Variants in NCAM1 observed in about 807,000 individuals in gnomAD.
NCAM1 encodes neural cell adhesion molecule 1, also known as antigen recognized by monoclonal antibody 5.1H11.
In NCAM1, 14 loss-of-function variants were observed where a neutral mutation model predicts 109.8. That is an observed-to-expected ratio of 0.13 (90% CI 0.08 to 0.20). NCAM1 has a LOEUF of 0.20. Among genes scored for constraint, NCAM1 ranks in the 10% least tolerant of loss-of-function variants. The pLI, the probability that NCAM1 is intolerant of heterozygous loss-of-function variation, is 1.00. For synonymous variants in NCAM1, 418 were observed against 442.9 expected, an observed-to-expected ratio of 0.94 and a Z score of 0.70; for missense variants, 774 against 1,109.9, an observed-to-expected ratio of 0.70 and a Z score of 4.30.
At chr11:113,160,768 C>T (rs1942575719) in intron 1 of NCAM1, among the ~76,000 whole-genome samples, 1 of 152,128 alleles carries the variant, frequency 6.6e-6, no homozygotes, top group African/African-American at 2.4e-5. Context: ...ACTGAGGGCT[C>T]TGCTTATAGA....
At chr11:113,096,379 GGA>G (rs1307764697) in intron 1 of NCAM1, among the ~76,000 whole-genome samples, 2 of 152,202 alleles carry the variant, frequency 1.3e-5, no homozygotes, top group African/African-American at 2.4e-5. Flanking sequence ...GCAGAATAAA[GGA>G]GAGAGAATTG....
chr11:113,224,189 A>G (rs1177010025), intron 9 of NCAM1, among the ~76,000 whole-genome samples: 25 of 152,214 alleles, frequency 1.6e-4, no homozygotes, highest in Admixed American at 1.6e-3. Context: ...CTAGCCAAGG[A>G]AAGGGGTGAC....
In NCAM1 at chr11:113,090,372, C is replaced by T. The variant is rs552557923; in HGVS notation, c.53-112007C>T. 3.3e-4 allele frequency among the ~76,000 whole-genome samples: 50 copies of T among 152,254 alleles called. 2 individuals are homozygous for T. In the South Asian group the frequency reaches 9.9e-3, roughly 30 times the overall value. On this transcript the variant is annotated intron_variant, in intron 1 of 19. Coordinates refer to ENST00000316851, the MANE Select transcript of NCAM1 (RefSeq NM_181351.5). Reference sequence around the variant, plus strand: ...AGTTTTGCATCACTGAACAATAAAGCAGGACAGCATAGTTTATGGAAAAGA... The same window carrying T: ...AGTTTTGCATCACTGAACAATAAAGTAGGACAGCATAGTTTATGGAAAAGA...
intron 14 of NCAM1, chr11:113,240,487 T>G: frequency 2.3e-6 from 1 of 434,738 alleles, no homozygotes; most frequent in Non-Finnish European, 4.1e-6. Context: ...CAGCTGGTCC[T>G]GCTGAACTGG....
intron 1 of NCAM1, among the ~76,000 whole-genome samples, chr11:113,179,058 T>C (rs1178411204): frequency 6.6e-6 from 1 of 152,182 alleles, no homozygotes; most frequent in Non-Finnish European, 1.5e-5. Context: ...GGTAATACCA[T>C]GTTGGTAGCT....
intron 1 of NCAM1, among the ~76,000 whole-genome samples, chr11:113,002,621 C>T (rs1440231193): frequency 6.6e-6 from 1 of 152,074 alleles, no homozygotes; most frequent in Non-Finnish European, 1.5e-5. Context: ...GTCCTTTCTG[C>T]CTATGTTCCT....
intron 1 of NCAM1, among the ~76,000 whole-genome samples, chr11:113,024,736 A>G (rs1306746228): frequency 2.0e-5 from 3 of 152,200 alleles, no homozygotes; most frequent in Non-Finnish European, 4.4e-5. Flanking sequence ...GTAATTTGCC[A>G]CTGGTGTTGT....
Position 113,204,429 on chromosome 11 carries a change from G to A in NCAM1, c.271G>A (p.Ala91Thr), listed in dbSNP as rs370887465. Residue 91 changes from alanine (A) to threonine (T), a missense_variant, in exon 3 of 20, where the codon GCC becomes ACC. This residue lies in a region of NCAM1 where 112 missense variants were observed against 142.0 expected (regional missense o/e 0.79). Coordinates refer to ENST00000316851, the MANE Select transcript of NCAM1 (RefSeq NM_181351.5). ...CATCTATAACGCCAACATCGACGAC[G>A]CCGGCATTTACAAGTGTGTGGTTAC... The part of the protein sequence containing the change: ...LTIYNANIDD[A>T]GIYKCVVTGE... The A allele has an allele frequency of 5.0e-5, 80 of 1,613,968 alleles. No homozygotes were observed. The highest frequency in any genetic ancestry group is 1.8e-4 in the South Asian group (16 of 91,076).
intron 1 of NCAM1, among the ~76,000 whole-genome samples, chr11:113,157,621 C>T (rs115548876): frequency 0.016 from 2,397 of 152,090 alleles, 62 homozygotes; most frequent in African/African-American, 0.054. Flanking sequence ...TTTATTCTGT[C>T]GGCTTTCTGA....
intron 17 of NCAM1, among the ~76,000 whole-genome samples, chr11:113,268,964 C>A (rs1476768987): frequency 1.3e-5 from 2 of 152,168 alleles, no homozygotes; most frequent in East Asian, 3.9e-4. Flanking sequence ...TAGACATAGT[C>A]TACTGGTGGG....
At chr11:113,266,346 C>T (rs1555124401) in intron 17 of NCAM1, among the ~76,000 whole-genome samples, 1 of 152,232 alleles carries the variant, frequency 6.6e-6, no homozygotes, top group African/African-American at 2.4e-5. Flanking sequence ...GCTTAAAGAG[C>T]ATCTCACCTG....
rs781918129 is a variant in NCAM1, at chr11:112,961,558, G to C, written c.-55G>C. 7.2e-5 allele frequency: 81 copies of C among 1,129,712 alleles called. No homozygotes were observed. The highest frequency in any genetic ancestry group is 6.4e-4 in the South Asian group (52 of 80,788). 70.0% of individuals were successfully genotyped at this position (1,129,712 alleles called of 1,614,324 possible). On this transcript the variant is annotated 5_prime_UTR_variant, in exon 1 of 20. Coordinates refer to ENST00000316851, the MANE Select transcript of NCAM1 (RefSeq NM_181351.5). ...GCCGCCGTCCACACTCGCTGCAGGG[G>C]GGGGGGCACAGAATTTACCGCGGCA...
intron 1 of NCAM1, among the ~76,000 whole-genome samples, chr11:113,037,518 C>T (rs1005386382): frequency 5.3e-5 from 8 of 152,146 alleles, no homozygotes; most frequent in African/African-American, 9.7e-5. Context: ...GCAGAGACCC[C>T]GTCTCCATCA....
At position 113,277,855 on chromosome 11, in the gene NCAM1, A is replaced by T. The variant is rs1204973350; in HGVS notation, c.*2468A>T. On this transcript the variant is annotated 3_prime_UTR_variant, in exon 20 of 20. Transcript: ENST00000316851. ...CATGCAAGAGTTTTTCCTTTAAAAA[A>T]AAAAAAAAAAAAAAAAAAAAAGCAA... 2.0e-5 allele frequency: 3 copies of T among 147,660 alleles called. No homozygotes were observed. The highest frequency in any genetic ancestry group is 4.9e-5 in the African/African-American group (2 of 40,702). 9.1% of individuals were successfully genotyped at this position (147,660 alleles called of 1,614,324 possible).
At chr11:113,087,803 AT>A (rs1338749003) in intron 1 of NCAM1, among the ~76,000 whole-genome samples, 6 of 152,188 alleles carry the variant, frequency 3.9e-5, no homozygotes, top group Admixed American at 6.5e-5. Context: ...GAGAAAGCAG[AT>A]TTACTCCTGC....
At chr11:113,045,943 A>AGG (rs1555080720) in intron 1 of NCAM1, among the ~76,000 whole-genome samples, 4 of 152,198 alleles carry the variant, frequency 2.6e-5, no homozygotes, top group Middle Eastern at 3.4e-3. Flanking sequence ...CTCTGAGGTG[A>AGG]GATGAATAGA....
chr11:112,968,900 G>A (rs1284767674), intron 1 of NCAM1, among the ~76,000 whole-genome samples: 1 of 152,208 alleles, frequency 6.6e-6, no homozygotes, highest in Non-Finnish European at 1.5e-5. Flanking sequence ...AAACCTTTGT[G>A]AAGTCTGGAG....
chr11:112,982,806 C>A (rs1353803966), intron 1 of NCAM1, among the ~76,000 whole-genome samples: 2 of 151,806 alleles, frequency 1.3e-5, no homozygotes, highest in African/African-American at 4.8e-5. Flanking sequence ...AATAGTTTGG[C>A]TTGGGAAAGG....
chr11:113,032,393 C>T lies in NCAM1; in HGVS notation c.52+70729C>T, dbSNP rs117682289. On this transcript the variant is annotated intron_variant, in intron 1 of 19. Transcript: ENST00000316851. The stretch of plus-strand genomic sequence containing the variant: ...GGACTGCAGCAAGCCCTGCTCCATA[C>T]AGTCATTCAGGGATTCAGGCACCTC... Among the ~76,000 whole-genome samples, 415 of 152,232 alleles carry T rather than the reference C, an allele frequency of 2.7e-3. 2 individuals carry two copies. Among genetic ancestry groups the T allele is most frequent in the Non-Finnish European group, 4.5e-3 (308 of 68,016 alleles).
Sources: allele counts gnomAD v4.1 joint callset (sites outside exome capture counted in the v4.1 genomes callset), GRCh38; gene constraint gnomAD v4.1.1; regional missense constraint gnomAD v4.1.1; transcripts MANE v1.5; gene names NCBI Gene and HGNC (gene_info 2026-07-23, HGNC 2026-07-21).